RABGEF1: variants seen among roughly 807,000 people sequenced by gnomAD.
RABGEF1 encodes the protein rab5 GDP/GTP exchange factor.
RABGEF1 carries 26 observed loss-of-function variants against 57.3 expected under a neutral mutation model. The ratio of observed to expected loss-of-function variants is 0.45; its 90% confidence interval spans 0.33 to 0.63. The LOEUF (loss-of-function observed/expected upper bound fraction) is 0.63. RABGEF1 is among the 20% of genes least tolerant of loss of function. RABGEF1 has a pLI of 0.02. For synonymous variants in RABGEF1, 185 were observed against 210.7 expected (o/e 0.88, Z 1.06); for missense variants, 464 against 607.6 (o/e 0.76, Z 2.48).
At chr7:66,781,226 A>C (rs1809812729) in intron 3 of RABGEF1, among the ~76,000 whole-genome samples, 1 of 152,132 alleles carries the variant, frequency 6.6e-6, no homozygotes. Context: ...GGTTTACAGA[A>C]TACATCTTTA....
At chr7:66,750,985 A>G (rs948964507) in intron 1 of RABGEF1, among the ~76,000 whole-genome samples, 3 of 151,930 alleles carry the variant, frequency 2.0e-5, no homozygotes, top group African/African-American at 7.2e-5. Context: ...ACAAATTCCA[A>G]TTCACAGTTG....
chr7:66,731,543 C>G (rs1797314944), intron 2 of RABGEF1, among the ~76,000 whole-genome samples: 1 of 151,958 alleles, frequency 6.6e-6, no homozygotes, highest in African/African-American at 2.4e-5. Flanking sequence ...ATGGTGAAAC[C>G]CTGTCTCTCC....
At chr7:66,721,030 G>T (rs1795995021) in intron 2 of RABGEF1, among the ~76,000 whole-genome samples, 1 of 152,054 alleles carries the variant, frequency 6.6e-6, no homozygotes, top group Non-Finnish European at 1.5e-5. Context: ...TGATTCTCCT[G>T]CCTGAAACCT....
At chr7:66,720,035 T>TA (rs879319349) in intron 2 of RABGEF1, among the ~76,000 whole-genome samples, 1 of 151,978 alleles carries the variant, frequency 6.6e-6, no homozygotes, top group Non-Finnish European at 1.5e-5. Context: ...GTCCCAGAAA[T>TA]ACAATGTTGC....
intron 1 of RABGEF1, among the ~76,000 whole-genome samples, chr7:66,684,735 T>C (rs1433589899): frequency 3.9e-5 from 6 of 152,086 alleles, no homozygotes; most frequent in African/African-American, 7.2e-5. Context: ...CCAGGGTTCA[T>C]GCCATTCTCC....
the RABGEF1 span, among the ~76,000 whole-genome samples, chr7:66,670,363 G>A: frequency 6.6e-6 from 1 of 151,280 alleles, no homozygotes; most frequent in South Asian, 2.1e-4. Flanking sequence ...CCCAGGCTGG[G>A]TGACATAGTA....
chr7:66,754,311 A>C (rs1562790382), intron 1 of RABGEF1, among the ~76,000 whole-genome samples: 1 of 151,234 alleles, frequency 6.6e-6, no homozygotes, highest in Non-Finnish European at 1.5e-5. Context: ...CTTTGCCATC[A>C]GTTTTTAAAG....
intron 5 of RABGEF1, 50 bp from the exon 6 acceptor site, chr7:66,797,316 AAAAAAGAG>A: frequency 6.9e-7 from 1 of 1,456,516 alleles, no homozygotes; most frequent in Admixed American, 2.6e-5. Context: ...CAAAAAAAAA[AAAAAAGAG>A]AGAGAAAAAA....
At position 66,789,870 on chromosome 7, in the gene RABGEF1, C is replaced by T. The variant is rs563305116; in HGVS notation, c.514-5641C>T. Reference sequence around the variant, plus strand: ...TGCAGTCTCCTGGTGTTGGCATTGTCTCCCAGCCTTCTCAGTTCTGCACAC... The same window carrying T: ...TGCAGTCTCCTGGTGTTGGCATTGTTTCCCAGCCTTCTCAGTTCTGCACAC... On this transcript the variant is annotated intron_variant, in intron 4 of 8. Transcript: ENST00000284957. 2.0e-5 allele frequency among the ~76,000 whole-genome samples: 3 copies of T among 152,198 alleles called. No homozygotes were observed. The East Asian group carries it at 5.8e-4, about 29-fold the overall frequency.
chr7:66,677,537 C>T (rs1789361781), upstream of RABGEF1, among the ~76,000 whole-genome samples: 1 of 151,802 alleles, frequency 6.6e-6, no homozygotes, highest in African/African-American at 2.4e-5. Context: ...CCGAGGCGGG[C>T]GGATCACAAG....
chr7:66,695,954 A>G (rs533426084), intron 1 of RABGEF1, among the ~76,000 whole-genome samples: 1 of 138,554 alleles, frequency 7.2e-6, no homozygotes, highest in Non-Finnish European at 1.6e-5. Flanking sequence ...TAACAAAGCG[A>G]GACTGTCTCA....
Position 66,684,652 on chromosome 7 carries a change from T to G in RABGEF1, c.-873+2394T>G, listed in dbSNP as rs143967594. ...GCTAAATTTTTTGTTTGTTTGTTTT[T>G]GATACTGAGTCTCACTCTGTCAGCC... On this transcript the variant is annotated intron_variant and NMD_transcript_variant, in intron 1 of 9. Coordinates refer to the RABGEF1 transcript ENST00000607882. 2.2e-3 allele frequency among the ~76,000 whole-genome samples: 342 copies of G among 152,186 alleles called. 2 individuals are homozygous for G. Among genetic ancestry groups the G allele is most frequent in the African/African-American group, 8.0e-3 (334 of 41,530 alleles).
rs13309245 is a variant in RABGEF1, at chr7:66,805,255, G to A, written c.936G>A (p.Ala312=). Residue 312 remains alanine (A), a synonymous_variant, in exon 8 of 9, where the codon GCG becomes GCA. Transcript: ENST00000284957. ...IKITKNEPAS[A]DDFLPTLIYI... ...TCACCAAGAATGAGCCGGCGTCAGC[G>A]GATGACTTCCTCCCCACCCTCATCT... is the stretch of plus-strand genomic sequence containing the variant. 8.1e-5 allele frequency: 130 copies of A among 1,614,040 alleles called. No homozygotes were observed. The highest frequency in any genetic ancestry group is 9.7e-5 in the Non-Finnish European group (115 of 1,180,040).
intron 1 of RABGEF1, among the ~76,000 whole-genome samples, chr7:66,704,181 C>T (rs1160926823): frequency 6.6e-6 from 1 of 152,192 alleles, no homozygotes; most frequent in African/African-American, 2.4e-5. Context: ...ACCACCACAG[C>T]CACCTCTAAG....
intron 6 of RABGEF1, 78 bp from the exon 7 acceptor site, chr7:66,799,245 C>T: frequency 8.2e-7 from 1 of 1,213,268 alleles, no homozygotes; most frequent in Non-Finnish European, 1.2e-6. Flanking sequence ...TCAGGCTTTC[C>T]CTAAACTGAA....
chr7:66,808,801 G>C lies in RABGEF1; in HGVS notation c.1078-85G>C, dbSNP rs535048953. 993 of 1,321,726 alleles carry C rather than the reference G, an allele frequency of 7.5e-4. 2 individuals carry two copies. The highest frequency in any genetic ancestry group is 9.3e-4 in the Non-Finnish European group (903 of 968,342). The allele number at this position is 1,321,726 out of a possible 1,614,324, so 81.9% of individuals were successfully genotyped here. A position where few individuals can be genotyped will look rare whatever the true frequency, so the allele number is the denominator to read the frequency against. On this transcript the variant is annotated intron_variant, in intron 8 of 8. Transcript: ENST00000284957. ...GTTTACTTTAGCTTCTGTTTTAAAT[G>C]GTCTGTGATCAAAAGATTTTTACAA...
chr7:66,655,333 C>T, the RABGEF1 span, among the ~76,000 whole-genome samples: 2 of 152,146 alleles, frequency 1.3e-5, no homozygotes, highest in Non-Finnish European at 1.5e-5. Flanking sequence ...GCTTTGGAGG[C>T]TAGGTCATAG....
At chr7:66,784,691 G>A (rs1431218519) in intron 4 of RABGEF1, among the ~76,000 whole-genome samples, 1 of 152,210 alleles carries the variant, frequency 6.6e-6, no homozygotes, top group Non-Finnish European at 1.5e-5. Flanking sequence ...GTGGACTTGT[G>A]TCAAAATAAT....
At chr7:66,777,813 T>C (rs1389196888) in intron 3 of RABGEF1, among the ~76,000 whole-genome samples, 1 of 152,158 alleles carries the variant, frequency 6.6e-6, no homozygotes, top group Non-Finnish European at 1.5e-5. Context: ...AATTAATTAA[T>C]AAAGAATCCA....
Sources: gnomAD v4.1 joint callset for allele counts (sites outside exome capture counted in the v4.1 genomes callset) on GRCh38, gnomAD v4.1.1 for gene constraint, MANE v1.5 for transcripts, NCBI Gene and HGNC (gene_info 2026-07-23, HGNC 2026-07-21) for gene names.